NRBP1: variants seen among roughly 807,000 people sequenced by gnomAD.
NRBP1 encodes nuclear receptor-binding protein.
NRBP1 carries 10 observed loss-of-function variants against 76.0 expected under a neutral mutation model. The observed-to-expected ratio is 0.13, with a 90% CI of 0.08 to 0.22. NRBP1 has a LOEUF of 0.22. Among genes scored for constraint, NRBP1 ranks in the 10% least tolerant of loss-of-function variants. NRBP1 has a pLI of 1.00. For synonymous variants in NRBP1, 235 were observed against 240.2 expected (o/e 0.98, Z 0.20); for missense variants, 344 against 646.0 (o/e 0.53, Z 5.07).
At chr2:27,440,268 C>T (rs1022662875) in intron 11 of NRBP1, 135 bp from the exon 12 acceptor site, 1 of 686,652 alleles carries the variant, frequency 1.5e-6, no homozygotes, top group African/African-American at 1.8e-5. Flanking sequence ...CTCGGCTTCC[C>T]AAAGTGCTGG....
chr2:27,439,466 CAG>C (rs1664441036), intron 10 of NRBP1, among the ~76,000 whole-genome samples: 2 of 124,838 alleles, frequency 1.6e-5, no homozygotes, highest in Admixed American at 2.0e-4. Flanking sequence ...GCCTGGGCGA[CAG>C]AGCGAGACTC....
intron 7 of NRBP1, chr2:27,436,092 T>TAA (rs1664296172): frequency 2.3e-6 from 1 of 428,992 alleles, no homozygotes; most frequent in Non-Finnish European, 4.3e-6. Context: ...GGTTCCTCGT[T>TAA]CAGCTCTGTG....
Position 27,436,874 on chromosome 2 carries a change from C to T in NRBP1, c.745+38C>T, listed in dbSNP as rs574001047. 19 of 1,581,056 alleles carry T rather than the reference C, an allele frequency of 1.2e-5. No homozygotes were observed. The African/African-American group carries it at 2.0e-4, about 17-fold the overall frequency. ...GCTTTCTCTGCCCTGTCCTCATCCC[C>T]CTGCTTTTGCACCTTATAACTTGAG... On this transcript the variant is annotated intron_variant, in intron 8 of 17. Coordinates refer to ENST00000379852, the MANE Select transcript of NRBP1 (RefSeq NM_013392.4).
intron 6 of NRBP1, 69 bp from the exon 7 acceptor site, chr2:27,435,064 T>C (rs1363594002): frequency 1.1e-6 from 1 of 919,924 alleles, no homozygotes; most frequent in African/African-American, 1.6e-5. Context: ...CCCTTGCTCC[T>C]CTTAACCCTT....
chr2:27,427,903 C>T (rs1663928814), upstream of NRBP1: 1 of 152,296 alleles, frequency 6.6e-6, no homozygotes. Flanking sequence ...TAACTCGAAA[C>T]CAATCTAAAT....
chr2:27,441,883 C>A lies in NRBP1; in HGVS notation c.*71C>A. On this transcript the variant is annotated 3_prime_UTR_variant, in exon 18 of 18. Transcript: ENST00000379852. ...ACGTGCTGCAGCCCTCCTGTCCCTT[C>A]CCCCCAGTCAGTATTACCCTGTGAA... The A allele has an allele frequency of 2.2e-6, 2 of 901,704 alleles. No homozygotes were observed. Among genetic ancestry groups the A allele is most frequent in the South Asian group, 1.5e-5 (1 of 66,514 alleles). 55.9% of individuals were successfully genotyped at this position (901,704 alleles called of 1,614,324 possible). A position where few individuals can be genotyped will look rare whatever the true frequency, so the allele number is the denominator to read the frequency against.
At chr2:27,431,708 GGTTA>G (rs1320596125) in intron 1 of NRBP1, 1 of 152,206 alleles carries the variant, frequency 6.6e-6, no homozygotes, top group East Asian at 1.9e-4. Flanking sequence ...TGAATGCCAA[GGTTA>G]GTTCTAGCTG....
chr2:27,430,457 CTTTCTTTT>C (rs1664064810), intron 1 of NRBP1, among the ~76,000 whole-genome samples: 3 of 116,268 alleles, frequency 2.6e-5, no homozygotes, highest in Non-Finnish European at 5.3e-5. Context: ...TTTTTCTTTT[CTTTCTTTT>C]TTTCTTTTTT....
upstream of NRBP1, chr2:27,428,511 C>T (rs1663952205): frequency 5.1e-6 from 2 of 395,232 alleles, no homozygotes; most frequent in African/African-American, 2.1e-5. Flanking sequence ...GGAAGCCCAC[C>T]CCAGCGAACG....
chr2:27,434,127 C>A, intron 4 of NRBP1, 37 bp downstream of exon 4: 1 of 1,414,946 alleles, frequency 7.1e-7, no homozygotes, highest in Non-Finnish European at 1.0e-6. Context: ...GAACTTATTG[C>A]AAAGAGACTA....
Position 27,439,843 on chromosome 2 carries a change from G to A in NRBP1, c.981G>A (p.Leu327=). 6.2e-7 allele frequency: 1 copy of A among 1,614,114 alleles called. No homozygotes were observed. Reference sequence around the variant, plus strand: ...GAGAACTTCTGTTCCACCCAGCATTGTTTGAAGTGCCCTCGCTCAAACTCC... The same window carrying A: ...GAGAACTTCTGTTCCACCCAGCATTATTTGAAGTGCCCTCGCTCAAACTCC... ...TARELLFHPA[L]FEVPSLKLLA... Residue 327 remains leucine, a synonymous_variant, in exon 11 of 18, where the codon TTG becomes TTA. Transcript: ENST00000379852.
chr2:27,439,680 T>C (rs1664450748), intron 10 of NRBP1, 86 bp from the exon 11 acceptor site: 15 of 1,524,326 alleles, frequency 9.8e-6, no homozygotes, highest in Admixed American at 1.9e-5. Context: ...GTACAAAGCC[T>C]TGTGCTAAGT....
At chr2:27,432,092 A>C (rs952999079) in intron 1 of NRBP1, 1 of 152,158 alleles carries the variant, frequency 6.6e-6, no homozygotes, top group Admixed American at 6.5e-5. Context: ...CAGGTAATCC[A>C]CCTACCTCGG....
rs1664190568 is a variant in NRBP1 at position 27,433,599 on chromosome 2, A to G, written c.211-74A>G. 1.9e-6 allele frequency: 3 copies of G among 1,605,856 alleles called. No homozygotes were observed. The Admixed American group carries it at 5.0e-5, about 27-fold the overall frequency. On this transcript the variant is annotated intron_variant, in intron 2 of 17. Transcript: ENST00000379852. Reference sequence around the variant, plus strand: ...TCAATAGGTTGGGGGCTAGGAGGAGATGATCATATGGAGTGTTAAAATGGA... The same window carrying G: ...TCAATAGGTTGGGGGCTAGGAGGAGGTGATCATATGGAGTGTTAAAATGGA...
chr2:27,441,204 G>A (rs922293908), intron 15 of NRBP1, 24 bp downstream of exon 15: 9 of 1,613,892 alleles, frequency 5.6e-6, no homozygotes, highest in South Asian at 1.1e-5. Flanking sequence ...CTAGGGTTGC[G>A]CAGGGCTAGT....
chr2:27,436,878 C>A, intron 8 of NRBP1, 42 bp downstream of exon 8: 1 of 1,565,290 alleles, frequency 6.4e-7, no homozygotes, highest in Non-Finnish European at 8.8e-7. Flanking sequence ...CATCCCCCTG[C>A]TTTTGCACCT....
chr2:27,434,631 A>G, intron 5 of NRBP1, 71 bp downstream of exon 5: 1 of 1,592,978 alleles, frequency 6.3e-7, no homozygotes. Flanking sequence ...TCTGTTAATA[A>G]TGAAGCTGAT....
intron 6 of NRBP1, 61 bp downstream of exon 6, chr2:27,434,823 T>A: frequency 2.0e-6 from 3 of 1,483,518 alleles, no homozygotes; most frequent in Non-Finnish European, 2.8e-6. Flanking sequence ...CCAAACAGAT[T>A]TCAGGGCACT....
chr2:27,440,621 C>T, intron 12 of NRBP1, 31 bp from the exon 13 acceptor site: 1 of 1,613,628 alleles, frequency 6.2e-7, no homozygotes, highest in East Asian at 2.2e-5. Flanking sequence ...TTGTTTCTTT[C>T]CTTCCATCTC....
Sources: gnomAD v4.1 joint callset for allele counts (sites outside exome capture counted in the v4.1 genomes callset) on GRCh38, gnomAD v4.1.1 for gene constraint, MANE v1.5 for transcripts, NCBI Gene and HGNC (gene_info 2026-07-23, HGNC 2026-07-21) for gene names.